The following PCDHGA4 variants were observed in gnomAD, a reference collection of about 807,000 sequenced individuals.
PCDHGA4 encodes protocadherin gamma-A4.
PCDHGA4 carries 38 observed loss-of-function variants against 54.6 expected under a neutral mutation model. The ratio of observed to expected loss-of-function variants is 0.70; its 90% confidence interval spans 0.54 to 0.91. The LOEUF is 0.91. Among genes scored for constraint, PCDHGA4 ranks in the 40% least tolerant of loss-of-function variants. The probability of loss-of-function intolerance (pLI) is 0.00; values close to 1 mark genes in which losing one functional copy is unlikely to be tolerated. For missense variants in PCDHGA4, 1,298 were observed against 1,220.9 expected (o/e 1.06, Z -0.94); for synonymous variants, 511 against 512.9 (o/e 1.00, Z 0.05).
At position 141,487,681 on chromosome 5, in the gene PCDHGA4, T is replaced by C. The variant is rs754032560; in HGVS notation, c.2515-7126T>C. The stretch of plus-strand genomic sequence containing the variant: ...CTGATCCAGGCATATGGCTAGGCCA[T>C]GTCCTAGAGAGTACTGGCCTCTCAG... On this transcript the variant is annotated intron_variant, in intron 1 of 3. Coordinates refer to ENST00000571252, the MANE Select transcript of PCDHGA4 (RefSeq NM_018917.4). The surrounding 1 kb of genome is among the most constrained non-coding windows in gnomAD (Gnocchi z 5.0). 1.1e-5 allele frequency: 18 copies of C among 1,608,852 alleles called. No individual in the cohort carries two copies. The highest frequency in any genetic ancestry group is 4.5e-5 in the East Asian group (2 of 44,816).
chr5:141,431,582 G>A lies in PCDHGA4; in HGVS notation c.2515-63225G>A. On this transcript the variant is annotated intron_variant, in intron 1 of 3. Coordinates refer to ENST00000571252, the MANE Select transcript of PCDHGA4 (RefSeq NM_018917.4). The surrounding 1 kb of genome is among the most constrained non-coding windows in gnomAD (Gnocchi z 4.8). Reference sequence around the variant, plus strand: ...TACCGACCCTGACGAAGGAGTCAATGCGGAAGTGAGGTATTCCTTCCGGTA... The same window carrying A: ...TACCGACCCTGACGAAGGAGTCAATACGGAAGTGAGGTATTCCTTCCGGTA... The A allele has an allele frequency of 6.2e-7, 1 of 1,614,210 alleles. No homozygotes were observed. Among genetic ancestry groups the A allele is most frequent in the Non-Finnish European group, 8.5e-7 (1 of 1,180,036 alleles).
rs1378433689 is a variant in PCDHGA4, at chr5:141,409,139, G to A, written c.2514+51518G>A. Reference sequence around the variant, plus strand: ...CCAGTCATTTGATTTTGAAGATGTAGAAAGGTACACCATGGAAGTGGAAGC... The same window carrying A: ...CCAGTCATTTGATTTTGAAGATGTAAAAAGGTACACCATGGAAGTGGAAGC... On this transcript the variant is annotated intron_variant, in intron 1 of 3. Transcript: ENST00000571252. 5.6e-6 allele frequency: 9 copies of A among 1,613,894 alleles called. No homozygotes were observed. In the Admixed American group the frequency reaches 1.5e-4, roughly 27 times the overall value.
Position 141,375,311 on chromosome 5 carries a change from C to G in PCDHGA4, c.2514+17690C>G, listed in dbSNP as rs367639660. On this transcript the variant is annotated intron_variant, in intron 1 of 3. Transcript: ENST00000571252. ...TTATCGATTAGTGACAAATGCAGCTCTAGACCGGGAAGAGGTATTCTTGTA... is the reference window on the plus strand; with the variant it reads ...TTATCGATTAGTGACAAATGCAGCTGTAGACCGGGAAGAGGTATTCTTGTA... The G allele has an allele frequency of 2.0e-5, 32 of 1,613,730 alleles. No individual in the cohort carries two copies. The Middle Eastern group carries it at 4.9e-4, about 25-fold the overall frequency.
chr5:141,398,668 A>G, intron 1 of PCDHGA4: 1 of 1,614,026 alleles, frequency 6.2e-7, no homozygotes, highest in Non-Finnish European at 8.5e-7. Context: ...TTTCTCATTA[A>G]TAATTAAGGA....
intron 1 of PCDHGA4, chr5:141,478,860 A>C: frequency 1.9e-5 from 25 of 1,331,544 alleles, no homozygotes; most frequent in Middle Eastern, 2.6e-4. Context: ...ACAAGATCTC[A>C]GCGATCAGAG....
At position 141,511,520 on chromosome 5, in the gene PCDHGA4, A is replaced by C; in HGVS notation, c.*347A>C. On this transcript the variant is annotated 3_prime_UTR_variant, in exon 4 of 4. Coordinates refer to ENST00000571252, the MANE Select transcript of PCDHGA4 (RefSeq NM_018917.4). Reference sequence around the variant, plus strand: ...CAAATCAATCAGGCCCATCCATCCCATGCCTCCCTCCTCCCCACCCCACTC... The same window carrying C: ...CAAATCAATCAGGCCCATCCATCCCCTGCCTCCCTCCTCCCCACCCCACTC... The C allele has an allele frequency of 2.8e-6, 1 of 358,498 alleles. No homozygotes were observed. Among genetic ancestry groups the C allele is most frequent in the Non-Finnish European group, 5.3e-6 (1 of 189,848 alleles). 22.2% of individuals were successfully genotyped at this position (358,498 alleles called of 1,614,324 possible).
chr5:141,361,926 C>T, intron 1 of PCDHGA4: 1 of 1,607,688 alleles, frequency 6.2e-7, no homozygotes, highest in Non-Finnish European at 8.5e-7. Flanking sequence ...TGGACGCAGA[C>T]TCAGGACACA....
At chr5:141,362,345 C>A (rs776739300) in intron 1 of PCDHGA4, 1 of 1,614,068 alleles carries the variant, frequency 6.2e-7, no homozygotes, top group East Asian at 2.2e-5. Context: ...AAGCCTGGAC[C>A]TGGGGTTCTC....
In PCDHGA4 at chr5:141,511,197, C is replaced by A; in HGVS notation, c.*24C>A. 1 of 1,613,140 alleles carries A rather than the reference C, an allele frequency of 6.2e-7. No individual in the cohort carries two copies. Among genetic ancestry groups the A allele is most frequent in the Non-Finnish European group, 8.5e-7 (1 of 1,179,524 alleles). Reference sequence around the variant, plus strand: ...AACATGGAGGCCAGGCCAAGAGCCACAGGGCGGCCTCTCCCCAACCAGCCC... The same window carrying A: ...AACATGGAGGCCAGGCCAAGAGCCAAAGGGCGGCCTCTCCCCAACCAGCCC... On this transcript the variant is annotated 3_prime_UTR_variant, in exon 4 of 4. Transcript: ENST00000571252.
intron 2 of PCDHGA4, among the ~76,000 whole-genome samples, chr5:141,501,476 A>T (rs1274017343): frequency 3.3e-5 from 5 of 152,044 alleles, no homozygotes; most frequent in Admixed American, 3.3e-4. Context: ...ATCCTGGAAG[A>T]GTCCCTCATA....
intron 1 of PCDHGA4, chr5:141,388,729 G>A (rs1407038729): frequency 6.2e-7 from 1 of 1,614,012 alleles, no homozygotes; most frequent in Non-Finnish European, 8.5e-7. Flanking sequence ...TTCTCTTTCA[G>A]TGAAGCTAGC....
intron 1 of PCDHGA4, chr5:141,421,719 C>T (rs2096595246): frequency 6.2e-7 from 1 of 1,613,942 alleles, no homozygotes; most frequent in Non-Finnish European, 8.5e-7. Flanking sequence ...CAGATGTGGG[C>T]GTGAACTCCC....
rs749086929 is a variant in PCDHGA4, at chr5:141,485,998, T to A, written c.2515-8809T>A. ...CAGACCCGGACCTGGGTCCCAGTGG[T>A]AACGTCACCTTTTATTTCAGTGGTC... On this transcript the variant is annotated intron_variant, in intron 1 of 3. Transcript: ENST00000571252. The surrounding 1 kb of genome is among the most constrained non-coding windows in gnomAD (Gnocchi z 5.7). 2.4e-5 allele frequency: 38 copies of A among 1,614,068 alleles called. No individual in the cohort carries two copies. Among genetic ancestry groups the A allele is most frequent in the Non-Finnish European group, 3.1e-5 (37 of 1,180,046 alleles).
chr5:141,409,736 G>A (rs1053484390), intron 1 of PCDHGA4: 3 of 1,613,110 alleles, frequency 1.9e-6, no homozygotes, highest in Non-Finnish European at 2.5e-6. Flanking sequence ...CGCGCAGAGC[G>A]GGGTGGTGTT....
At chr5:141,423,485 C>T (rs752918607) in intron 1 of PCDHGA4, 30 of 1,613,840 alleles carry the variant, frequency 1.9e-5, no homozygotes, top group Non-Finnish European at 2.2e-5. Context: ...TTCCTGCAAA[C>T]CTATTCCCAC....
chr5:141,361,540 G>A, intron 1 of PCDHGA4: 1 of 1,614,018 alleles, frequency 6.2e-7, no homozygotes, highest in Admixed American at 1.7e-5. Context: ...TCCTCCTGGC[G>A]CCTCTATCGC....
Position 141,487,933 on chromosome 5 carries a change from A to G in PCDHGA4, c.2515-6874A>G. ...CACAGGAGGCTACAGTGCACAGGGT[A>G]CAGTGCACCAGGCAGTCACTTGGAC... is the stretch of plus-strand genomic sequence containing the variant. On this transcript the variant is annotated intron_variant, in intron 1 of 3. Coordinates refer to ENST00000571252, the MANE Select transcript of PCDHGA4 (RefSeq NM_018917.4). This position sits in a 1 kb window ranked among gnomAD's most constrained non-coding sequence, Gnocchi z 5.0. 1 of 612,006 alleles carries G rather than the reference A, an allele frequency of 1.6e-6. No homozygotes were observed. Among genetic ancestry groups the G allele is most frequent in the South Asian group, 2.0e-5 (1 of 49,074 alleles). The allele number at this position is 612,006 out of a possible 1,614,324, so 37.9% of individuals were successfully genotyped here. A position where few individuals can be genotyped will look rare whatever the true frequency, so the allele number is the denominator to read the frequency against.
intron 1 of PCDHGA4, chr5:141,383,383 G>A: frequency 6.2e-7 from 1 of 1,614,036 alleles, no homozygotes; most frequent in Non-Finnish European, 8.5e-7. Flanking sequence ...GGATCCAGAT[G>A]TGGGCACGAA....
chr5:141,431,147 G>A lies in PCDHGA4; in HGVS notation c.2515-63660G>A, dbSNP rs1303502732. ...AGAAGTAAGGGACATTAACGACAAT[G>A]CGCCTTACTTTCGTGAAAGTGAATT... On this transcript the variant is annotated intron_variant, in intron 1 of 3. Coordinates refer to ENST00000571252, the MANE Select transcript of PCDHGA4 (RefSeq NM_018917.4). The surrounding 1 kb of genome is among the most constrained non-coding windows in gnomAD (Gnocchi z 4.8). 6.2e-7 allele frequency: 1 copy of A among 1,614,228 alleles called. No homozygotes were observed. The highest frequency in any genetic ancestry group is 1.7e-5 in the Admixed American group (1 of 60,030).
Sources: gnomAD v4.1 joint callset for allele counts (sites outside exome capture counted in the v4.1 genomes callset) on GRCh38, gnomAD v4.1.1 for gene constraint, Gnocchi (gnomAD v3.1) non-coding constraint, MANE v1.5 for transcripts, NCBI Gene and HGNC (gene_info 2026-07-23, HGNC 2026-07-21) for gene names.